Variants in SH3TC1 observed in about 807,000 individuals in gnomAD.
The protein encoded by SH3TC1 is SH3 domain and tetratricopeptide repeat-containing protein 1.
Under a neutral mutation model 117.3 loss-of-function variants are expected in SH3TC1, and 135 were observed. That is an observed-to-expected ratio of 1.15 (90% CI 1.00 to 1.33). SH3TC1 has a LOEUF of 1.33. Among genes scored for constraint, SH3TC1 ranks in the 40% most tolerant of loss-of-function variants. The pLI, the probability that SH3TC1 is intolerant of heterozygous loss-of-function variation, is 0.00. For synonymous variants in SH3TC1, 898 were observed against 816.9 expected (o/e 1.10, Z -1.69); for missense variants, 2,092 against 1,794.3 (o/e 1.17, Z -3.00).
intron 4 of SH3TC1, 35 bp from the exon 5 acceptor site, chr4:8,214,440 G>C (rs540852170): frequency 4.5e-5 from 71 of 1,580,760 alleles, no homozygotes; most frequent in Non-Finnish European, 5.7e-5. Flanking sequence ...CAGAGCTCCT[G>C]GGGACCTCTC....
upstream of SH3TC1, among the ~76,000 whole-genome samples, chr4:8,194,845 C>A (rs929569056): frequency 6.6e-6 from 1 of 152,216 alleles, no homozygotes; most frequent in Non-Finnish European, 1.5e-5. Flanking sequence ...GCAGGACTTG[C>A]TTCCCGGGGT....
chr4:8,228,778 G>A lies in SH3TC1; in HGVS notation c.2950+134G>A, dbSNP rs144443510. ...TGAGTCATGGCAAACAGCAGATGTT[G>A]GCAAGCGCCCTGGAGACAGGCAGTT... On this transcript the variant is annotated intron_variant, in intron 12 of 17. Transcript: ENST00000245105. The A allele has an allele frequency of 1.8e-4, 139 of 777,836 alleles. No homozygotes were observed. In the East Asian group the frequency reaches 2.3e-3, roughly 13 times the overall value. 48.2% of individuals were successfully genotyped at this position (777,836 alleles called of 1,614,324 possible).
At chr4:8,204,441 G>A (rs1017906394) in intron 1 of SH3TC1, among the ~76,000 whole-genome samples, 2 of 152,148 alleles carry the variant, frequency 1.3e-5, no homozygotes, top group African/African-American at 2.4e-5. Context: ...ATTGCTCCCC[G>A]AGGCTCTGGA....
rs372943393 is a variant in SH3TC1 at position 8,228,085 on chromosome 4, C to A, written c.2391C>A (p.Ser797Arg). 6.2e-7 allele frequency: 1 copy of A among 1,608,030 alleles called. No homozygotes were observed. The highest frequency in any genetic ancestry group is 8.5e-7 in the Non-Finnish European group (1 of 1,176,952). The part of the protein sequence containing the change: ...PLYTSLAQLY[S>R]HHGCHGPAIT... ...ACACCAGCTTGGCCCAGCTGTACAG[C>A]CACCATGGCTGCCACGGCCCGGCCA... Residue 797 changes from serine (S) to arginine (R), a missense_variant, in exon 12 of 18, where the codon AGC (serine) becomes AGA (arginine). By Grantham distance (110) the Ser-to-Arg change is moderately radical (BLOSUM62 -1). Coordinates refer to ENST00000245105, the MANE Select transcript of SH3TC1 (RefSeq NM_018986.5).
rs776776721 is a variant in SH3TC1 at position 8,227,740 on chromosome 4, G to A, written c.2046G>A (p.Glu682=). The A allele has an allele frequency of 2.5e-6, 4 of 1,605,084 alleles. No homozygotes were observed. Among genetic ancestry groups the A allele is most frequent in the Non-Finnish European group, 2.6e-6 (3 of 1,174,794 alleles). Residue 682 remains glutamate, a synonymous_variant, in exon 12 of 18, where the codon GAG becomes GAA. Transcript: ENST00000245105. ...ACCACGTGCACCTCAAGCAGCCCGA[G>A]GAGGCCCTGCCCTTCCTAGAGCGGC... ...ARHHVHLKQP[E]EALPFLERLL...
chr4:8,184,761 T>C (rs1045007820), intron 1 of SH3TC1, among the ~76,000 whole-genome samples: 2 of 152,208 alleles, frequency 1.3e-5, no homozygotes, highest in African/African-American at 4.8e-5. Context: ...TGGAACTTTC[T>C]TCCTCTCACT....
rs1430508238 is a variant in SH3TC1, at chr4:8,225,274, G to A, written c.1285+58G>A. 8.9e-6 allele frequency: 14 copies of A among 1,569,998 alleles called. No homozygotes were observed. Among genetic ancestry groups the A allele is most frequent in the Admixed American group, 1.8e-5 (1 of 55,048 alleles). ...GTTATGAGCTGGGCCTTGGGGTAAC[G>A]CTGGGGGAGGTGACAAAGCTGAGCA... On this transcript the variant is annotated intron_variant, in intron 11 of 17. Coordinates refer to ENST00000245105, the MANE Select transcript of SH3TC1 (RefSeq NM_018986.5). The surrounding 1 kb of genome is among the most constrained non-coding windows in gnomAD (Gnocchi z 5.5).
rs766518746 is a variant in SH3TC1 at position 8,212,758 on chromosome 4, T to C, written c.305T>C (p.Leu102Pro). Residue 102 changes from leucine (L) to proline (P), a missense_variant, in exon 4 of 18, where the codon CTA becomes CCA. Coordinates refer to ENST00000245105, the MANE Select transcript of SH3TC1 (RefSeq NM_018986.5). ...RRKSRLRDPG[L>P]QQTLRGQLRL... The stretch of plus-strand genomic sequence containing the variant: ...AAGAGCAGACTGCGGGACCCCGGCC[T>C]ACAGCAGACCCTCCGGGGCCAGCTC... 5.6e-6 allele frequency: 9 copies of C among 1,612,662 alleles called. No homozygotes were observed. The East Asian group carries it at 1.6e-4, about 28-fold the overall frequency.
intron 10 of SH3TC1, among the ~76,000 whole-genome samples, chr4:8,224,044 TAC>T (rs765956536): frequency 4.7e-3 from 292 of 62,652 alleles, no homozygotes; most frequent in African/African-American, 0.019. Flanking sequence ...CTCACAAGTA[TAC>T]ACACACACAC....
chr4:8,230,783 CTT>C (rs59242411), intron 12 of SH3TC1, among the ~76,000 whole-genome samples: 3,862 of 134,108 alleles, frequency 0.029, 171 homozygotes, highest in African/African-American at 0.094. Context: ...ATATGCTGTG[CTT>C]TTTTTTTTTT....
rs986710299 is a variant in SH3TC1 at position 8,183,778 on chromosome 4, G to A, written c.-57+1568G>A. On this transcript the variant is annotated intron_variant, in intron 1 of 16. Transcript: ENST00000508641. This position sits in a 1 kb window ranked among gnomAD's most constrained non-coding sequence, Gnocchi z 5.4. ...TACCACCAATGCCTGATTACCAGCT[G>A]CAGCCCACACCTGACTCAGATTTCC... Among the ~76,000 whole-genome samples the A allele has an allele frequency of 6.6e-6, 1 of 152,118 alleles. No homozygotes were observed. Among genetic ancestry groups the A allele is most frequent in the African/African-American group, 2.4e-5 (1 of 41,428 alleles).
intron 1 of SH3TC1, among the ~76,000 whole-genome samples, chr4:8,200,712 G>T (rs995390697): frequency 1.1e-4 from 17 of 152,246 alleles, no homozygotes; most frequent in African/African-American, 4.1e-4. Flanking sequence ...TTCTCTCGCG[G>T]CTCTGGAGGT....
Position 8,217,058 on chromosome 4 carries a change from C to T in SH3TC1, c.730C>T (p.Pro244Ser). ...PQALRQASGAPQGEAAPETDS... is the reference protein window; with the variant it reads ...PQALRQASGASQGEAAPETDS... ...GGCCCTCAGGCAGGCTTCGGGGGCA[C>T]CCCAGGGAGAGGCGGCCCCGGAAAC... The change falls in exon 7 of 18, where the codon CCC (proline) becomes TCC (serine). Residue 244 changes from proline to serine, a missense_variant. Pro to Ser is a moderately conservative substitution (Grantham distance 74). Coordinates refer to ENST00000245105, the MANE Select transcript of SH3TC1 (RefSeq NM_018986.5). 6.2e-7 allele frequency: 1 copy of T among 1,612,996 alleles called. No homozygotes were observed. The highest frequency in any genetic ancestry group is 8.5e-7 in the Non-Finnish European group (1 of 1,179,556).
chr4:8,230,652 A>G (rs576078995), intron 12 of SH3TC1, among the ~76,000 whole-genome samples: 21 of 151,160 alleles, frequency 1.4e-4, no homozygotes, highest in African/African-American at 5.1e-4. Flanking sequence ...TTCTTTTTCT[A>G]GTTTCTTAAG....
In SH3TC1 at chr4:8,228,029, G is replaced by T. The variant is rs778010022; in HGVS notation, c.2335G>T (p.Gly779Cys). Reference sequence around the variant, plus strand: ...GCAAGCGCTGGCCTCCCTGACCCCGGGCACAGGCCAGGCGCTGCGCGGCCC... The same window carrying T: ...GCAAGCGCTGGCCTCCCTGACCCCGTGCACAGGCCAGGCGCTGCGCGGCCC... ...LRQALASLTP[G>C]TGQALRGPLY... Residue 779 changes from glycine (G) to cysteine (C), a missense_variant, in exon 12 of 18, where the codon GGC becomes TGC. Coordinates refer to ENST00000245105, the MANE Select transcript of SH3TC1 (RefSeq NM_018986.5). The T allele has an allele frequency of 1.2e-6, 2 of 1,610,222 alleles. No individual in the cohort carries two copies. The highest frequency in any genetic ancestry group is 3.3e-5 in the Admixed American group (2 of 59,890).
At position 8,237,672 on chromosome 4, in the gene SH3TC1, TG is replaced by T; in HGVS notation, c.3753+5del. The T allele has an allele frequency of 7.0e-7, 1 of 1,419,044 alleles. No individual in the cohort carries two copies. Among genetic ancestry groups the T allele is most frequent in the Non-Finnish European group, 9.7e-7 (1 of 1,031,118 alleles). The allele number at this position is 1,419,044 out of a possible 1,614,324, so 87.9% of individuals were successfully genotyped here. A position where few individuals can be genotyped will look rare whatever the true frequency, so the allele number is the denominator to read the frequency against. On this transcript the variant is annotated splice_donor_region_variant and intron_variant, in intron 17 of 17. Transcript: ENST00000245105. The stretch of plus-strand genomic sequence containing the variant: ...GACATCATCTTCTACGACCTGAAGG[TG>T]GGTGGGGAGGGGCTGGGCTCAGGGT...
In SH3TC1 at chr4:8,192,728, G is replaced by T. The variant is rs1186552844; in HGVS notation, c.-57+10518G>T. 6.6e-6 allele frequency among the ~76,000 whole-genome samples: 1 copy of T among 152,026 alleles called. No individual in the cohort carries two copies. Among genetic ancestry groups the T allele is most frequent in the African/African-American group, 2.4e-5 (1 of 41,392 alleles). On this transcript the variant is annotated intron_variant, in intron 1 of 16. Coordinates refer to the SH3TC1 transcript ENST00000508641. This position sits in a 1 kb window ranked among gnomAD's most constrained non-coding sequence, Gnocchi z 4.1. ...AGGCTGGTCTCAAACTCCTGACCTC[G>T]TGATCCACCTGCCTTGGTCTCCCTA... is the stretch of plus-strand genomic sequence containing the variant.
rs150050649 is a variant in SH3TC1 at position 8,237,509 on chromosome 4, C to T, written c.3592C>T (p.Leu1198=). 1.4e-3 allele frequency: 2,275 copies of T among 1,603,468 alleles called. 1 individual carries two copies. The highest frequency in any genetic ancestry group is 1.8e-3 in the Non-Finnish European group (2,068 of 1,175,498). Residue 1198 remains leucine (L), a synonymous_variant, in exon 17 of 18, where the codon CTG becomes TTG. Coordinates refer to ENST00000245105, the MANE Select transcript of SH3TC1 (RefSeq NM_018986.5). ...RLNERVAYHR[L]AALQHRLGHG... is the part of the protein sequence containing the mutation. ...GAACGAGCGCGTGGCCTACCACCGG[C>T]TGGCCGCCCTGCAACACCGACTGGG...
intron 4 of SH3TC1, 171 bp downstream of exon 4, chr4:8,212,999 A>G: frequency 1.2e-6 from 1 of 863,960 alleles, no homozygotes; most frequent in Admixed American, 3.2e-5. Context: ...GTGGGTGGCG[A>G]GGGCTTGTTT....
Sources: allele counts gnomAD v4.1 joint callset (sites outside exome capture counted in the v4.1 genomes callset), GRCh38; gene constraint gnomAD v4.1.1; non-coding constraint Gnocchi (gnomAD v3.1); transcripts MANE v1.5; gene names NCBI Gene and HGNC (gene_info 2026-07-23, HGNC 2026-07-21).